The following COL26A1 variants were observed in gnomAD, a reference collection of about 807,000 sequenced individuals.
COL26A1 encodes collagen alpha-1(XXVI) chain.
Under a neutral mutation model 59.3 loss-of-function variants are expected in COL26A1, and 41 were observed. The observed-to-expected ratio is 0.69, with a 90% CI of 0.54 to 0.90. The LOEUF (loss-of-function observed/expected upper bound fraction) is 0.90. COL26A1 is among the 40% of genes least tolerant of loss of function. The pLI is 0.00. For missense variants in COL26A1, 612 were observed against 602.3 expected, an observed-to-expected ratio of 1.02 and a Z score of -0.17; for synonymous variants, 266 against 256.0, an observed-to-expected ratio of 1.04 and a Z score of -0.37.
In COL26A1 at chr7:101,387,994, C is replaced by T. The variant is rs1295577978; in HGVS notation, c.158+24804C>T. Among the ~76,000 whole-genome samples the T allele has an allele frequency of 2.0e-5, 3 of 150,952 alleles. No individual in the cohort carries two copies. In the East Asian group the frequency reaches 5.9e-4, roughly 30 times the overall value. On this transcript the variant is annotated intron_variant, in intron 1 of 12. Coordinates refer to ENST00000313669, the MANE Select transcript of COL26A1 (RefSeq NM_001278563.3). The stretch of plus-strand genomic sequence containing the variant: ...TGTTGGCCAAGTATCGGACTCCCAG[C>T]CTCAAGTGATTTGCTCACCTCAGCC...
intron 2 of COL26A1, among the ~76,000 whole-genome samples, chr7:101,441,713 G>A (rs1584410372): frequency 6.6e-6 from 1 of 152,284 alleles, no homozygotes; most frequent in South Asian, 2.1e-4. Flanking sequence ...GCTCCCGCCT[G>A]GTGGGTGAGG....
At chr7:101,545,632 C>A in intron 7 of COL26A1, 142 bp downstream of exon 7, 2 of 820,368 alleles carry the variant, frequency 2.4e-6, no homozygotes. Flanking sequence ...TCCTGCAGGC[C>A]TCCTCCAGGA....
chr7:101,453,346 G>T (rs1369088954), intron 3 of COL26A1, among the ~76,000 whole-genome samples: 2 of 152,008 alleles, frequency 1.3e-5, no homozygotes, highest in Non-Finnish European at 2.9e-5. Flanking sequence ...CAGCCTGGTT[G>T]ACAGAGCGAG....
chr7:101,547,176 T>A lies in COL26A1; in HGVS notation c.877T>A (p.Ser293Thr). The change falls in exon 8 of 13, where the codon TCT (serine) becomes ACT (threonine). Residue 293 changes from serine (S) to threonine (T), a missense_variant. Ser to Thr is a moderately conservative substitution (Grantham distance 58). Transcript: ENST00000313669. ...CACAGATGGAGACTCAAGGCTGGCC[T>A]CTGCCATCGTGGACACAGTGCTGGC... ...DKDNGDSRLA[S>T]AIVDTVLAGV... 6.3e-7 allele frequency: 1 copy of A among 1,597,840 alleles called. No individual in the cohort carries two copies. Among genetic ancestry groups the A allele is most frequent in the Non-Finnish European group, 8.5e-7 (1 of 1,173,782 alleles).
intron 1 of COL26A1, among the ~76,000 whole-genome samples, chr7:101,415,921 C>CCATGCCTGGTCAGAAT (rs1470889068): frequency 4.1e-5 from 6 of 145,790 alleles, no homozygotes; most frequent in Admixed American, 6.8e-5. Flanking sequence ...GCGTGAGCCA[C>CCATGCCTGGTCAGAAT]TGCACCCAAC....
intron 3 of COL26A1, among the ~76,000 whole-genome samples, chr7:101,516,110 C>CACCATTCAATCA (rs1795023439): frequency 6.6e-6 from 1 of 152,108 alleles, no homozygotes; most frequent in Non-Finnish European, 1.5e-5. Flanking sequence ...CCTGGGTTGG[C>CACCATTCAATCA]CACCATTCAA....
chr7:101,549,140 C>CA, intron 8 of COL26A1, 31 bp from the exon 9 acceptor site: 2 of 1,460,572 alleles, frequency 1.4e-6, no homozygotes, highest in Non-Finnish European at 1.9e-6. Context: ...CCTCTCTGGC[C>CA]CCAGGTGACC....
chr7:101,496,067 C>G (rs147610864), intron 3 of COL26A1, among the ~76,000 whole-genome samples: 2 of 151,982 alleles, frequency 1.3e-5, no homozygotes, highest in Non-Finnish European at 1.5e-5. Flanking sequence ...GGCAGCAAAG[C>G]GAGACCCTGT....
chr7:101,470,396 G>A (rs773431315), intron 3 of COL26A1, among the ~76,000 whole-genome samples: 1 of 151,832 alleles, frequency 6.6e-6, no homozygotes, highest in Non-Finnish European at 1.5e-5. Context: ...GCCCAGCCCC[G>A]GGTAGCCCTT....
rs141859235 is a variant in COL26A1 at position 101,388,079 on chromosome 7, A to G, written c.158+24889A>G. ...GCGCCCTGCCAAAATTTACCATCTT[A>G]AACCATTTCCCAGTGTATAGCACAG... On this transcript the variant is annotated intron_variant, in intron 1 of 12. Coordinates refer to ENST00000313669, the MANE Select transcript of COL26A1 (RefSeq NM_001278563.3). Among the ~76,000 whole-genome samples the G allele has an allele frequency of 1.4e-4, 21 of 151,582 alleles. No individual in the cohort carries two copies. In the East Asian group the frequency reaches 4.1e-3, roughly 30 times the overall value.
rs532216529 is a variant in COL26A1 at position 101,394,664 on chromosome 7, C to T, written c.159-25313C>T. Reference sequence around the variant, plus strand: ...TCTTGAACTCCTGGGCTGAAGCGATCCTCCTGCTTCCACCTCCCAAAGTGC... The same window carrying T: ...TCTTGAACTCCTGGGCTGAAGCGATTCTCCTGCTTCCACCTCCCAAAGTGC... On this transcript the variant is annotated intron_variant, in intron 1 of 12. Transcript: ENST00000313669. Among the ~76,000 whole-genome samples the T allele has an allele frequency of 2.1e-5, 3 of 142,718 alleles. No homozygotes were observed. In the South Asian group the frequency reaches 6.7e-4, roughly 32 times the overall value. 93.6% of individuals were successfully genotyped at this position (142,718 alleles called of 152,430 possible). A position where few individuals can be genotyped will look rare whatever the true frequency, so the allele number is the denominator to read the frequency against.
At chr7:101,526,298 C>T (rs937553133) in intron 3 of COL26A1, among the ~76,000 whole-genome samples, 28 of 152,302 alleles carry the variant, frequency 1.8e-4, no homozygotes, top group African/African-American at 6.5e-4. Context: ...ATCCACCCAC[C>T]TCAACTGCCC....
At chr7:101,538,186 A>T (rs991595572) in intron 4 of COL26A1, among the ~76,000 whole-genome samples, 2 of 151,974 alleles carry the variant, frequency 1.3e-5, no homozygotes, top group Admixed American at 1.3e-4. Context: ...GAGCCCCTAA[A>T]CTTGGCTGTG....
At chr7:101,404,722 T>A (rs1174025385) in intron 1 of COL26A1, among the ~76,000 whole-genome samples, 1 of 152,132 alleles carries the variant, frequency 6.6e-6, no homozygotes, top group African/African-American at 2.4e-5. Context: ...ATAGTGAATC[T>A]CCCTGTCTCT....
chr7:101,376,999 T>C (rs1791332949), intron 1 of COL26A1, among the ~76,000 whole-genome samples: 2 of 152,112 alleles, frequency 1.3e-5, no homozygotes, highest in East Asian at 1.9e-4. Context: ...GCTGTGATTA[T>C]AGGTACCTGC....
intron 3 of COL26A1, among the ~76,000 whole-genome samples, chr7:101,467,799 AG>A (rs200277036): frequency 0.024 from 3,628 of 152,174 alleles, 49 homozygotes; most frequent in Non-Finnish European, 0.038. Context: ...CCCGGGAAGC[AG>A]GGCTTGCAGT....
intron 2 of COL26A1, among the ~76,000 whole-genome samples, chr7:101,443,008 TGA>T (rs1159024530): frequency 3.9e-5 from 6 of 152,092 alleles, no homozygotes; most frequent in Non-Finnish European, 8.8e-5. Context: ...TGTGAAGGTG[TGA>T]GAGTGTGTGA....
At chr7:101,459,497 AT>A (rs1340742244) in intron 3 of COL26A1, among the ~76,000 whole-genome samples, 11 of 135,978 alleles carry the variant, frequency 8.1e-5, no homozygotes, top group Admixed American at 1.5e-4. Context: ...TTTAGTAGAG[AT>A]GGGATTTCAT....
chr7:101,421,283 T>C (rs1792512686), intron 2 of COL26A1, among the ~76,000 whole-genome samples: 1 of 152,136 alleles, frequency 6.6e-6, no homozygotes, highest in South Asian at 2.1e-4. Context: ...GCCTCCTTCC[T>C]CCGGGGAAGT....
Sources: allele counts gnomAD v4.1 joint callset (sites outside exome capture counted in the v4.1 genomes callset), GRCh38; gene constraint gnomAD v4.1.1; transcripts MANE v1.5; gene names NCBI Gene and HGNC (gene_info 2026-07-23, HGNC 2026-07-21).